ASCC1: variants seen among roughly 807,000 people sequenced by gnomAD.
ASCC1 encodes the protein ASC-1 complex subunit P50.
ASCC1 carries 35 observed loss-of-function variants against 46.6 expected under a neutral mutation model. That is an observed-to-expected ratio of 0.75 (90% CI 0.57 to 0.99). ASCC1 has a LOEUF of 0.99. ASCC1 is among the 50% of genes least tolerant of loss of function. ASCC1 has a pLI of 0.00. For synonymous variants in ASCC1, 143 were observed against 146.6 expected (o/e 0.98, Z 0.18); for missense variants, 376 against 428.7 (o/e 0.88, Z 1.09).
At chr10:72,198,684 A>G (rs1171351364) in intron 4 of ASCC1, 1 of 456,132 alleles carries the variant, frequency 2.2e-6, no homozygotes, top group Non-Finnish European at 4.4e-6. Context: ...GGAGACACAA[A>G]AGAAATGGGT....
At chr10:72,204,481 G>T (rs770137554) in intron 3 of ASCC1, 1 of 1,550,368 alleles carries the variant, frequency 6.5e-7, no homozygotes. Flanking sequence ...ACCCACAGTC[G>T]TTTGATGTGT....
chr10:72,167,349 A>T (rs953669359), intron 5 of ASCC1, among the ~76,000 whole-genome samples: 1 of 152,254 alleles, frequency 6.6e-6, no homozygotes, highest in African/African-American at 2.4e-5. Context: ...AAGAAGCCAG[A>T]TGCAAAAGAC....
intron 9 of ASCC1, among the ~76,000 whole-genome samples, chr10:72,119,498 C>G (rs993698582): frequency 6.6e-6 from 1 of 152,146 alleles, no homozygotes; most frequent in Non-Finnish European, 1.5e-5. Flanking sequence ...CATAGGGGCC[C>G]CTCTAACCAT....
intron 3 of ASCC1, 76 bp downstream of exon 3, chr10:72,210,656 G>C (rs1377527056): frequency 8.6e-7 from 1 of 1,169,502 alleles, no homozygotes; most frequent in Non-Finnish European, 1.3e-6. Flanking sequence ...CAATAAGTAT[G>C]GAAGACCAAA....
chr10:72,213,350 A>G lies in ASCC1; in HGVS notation c.-33-19T>C, dbSNP rs373951510. ...TTATGCCCTGAAAAATATAATTACCATCTTACCTTTCTTAGTGAGAATTAA... is the reference window on the plus strand; with the variant it reads ...TTATGCCCTGAAAAATATAATTACCGTCTTACCTTTCTTAGTGAGAATTAA... On this transcript the variant is annotated intron_variant, in intron 1 of 9. Coordinates refer to ENST00000672957, the MANE Select transcript of ASCC1 (RefSeq NM_001198800.3). 7.6e-6 allele frequency: 10 copies of G among 1,322,010 alleles called. No homozygotes were observed. The highest frequency in any genetic ancestry group is 1.5e-5 in the African/African-American group (1 of 68,868). The allele number at this position is 1,322,010 out of a possible 1,614,324, so 81.9% of individuals were successfully genotyped here. A position where few individuals can be genotyped will look rare whatever the true frequency, so the allele number is the denominator to read the frequency against.
At chr10:72,216,485 C>T (rs1859368699), upstream of ASCC1, among the ~76,000 whole-genome samples, 1 of 112,652 alleles carries the variant, frequency 8.9e-6, no homozygotes, top group Non-Finnish European at 1.8e-5. Context: ...TTCCCGCCCC[C>T]CCCCCCCCCC....
intron 9 of ASCC1, among the ~76,000 whole-genome samples, chr10:72,127,343 T>C (rs947318534): frequency 6.6e-6 from 1 of 152,202 alleles, no homozygotes; most frequent in South Asian, 2.1e-4. Flanking sequence ...GGTAGTCTGT[T>C]AGAGAAAGAC....
chr10:72,151,197 G>C (rs914682957), intron 7 of ASCC1, among the ~76,000 whole-genome samples: 2 of 152,234 alleles, frequency 1.3e-5, no homozygotes, highest in African/African-American at 4.8e-5. Context: ...GAACCAACCC[G>C]AATGTCCATC....
intron 9 of ASCC1, among the ~76,000 whole-genome samples, chr10:72,111,251 G>A (rs1842892523): frequency 6.6e-6 from 1 of 152,194 alleles, no homozygotes; most frequent in Non-Finnish European, 1.5e-5. Flanking sequence ...ACTTTGCGGG[G>A]CCAAGGTGGG....
chr10:72,097,622 G>A (rs763467016), intron 9 of ASCC1, among the ~76,000 whole-genome samples, 172 bp from the exon 10 acceptor site: 2 of 152,188 alleles, frequency 1.3e-5, no homozygotes, highest in African/African-American at 4.8e-5. Context: ...GGATGGGGGT[G>A]GGAGTGAGAA....
intron 8 of ASCC1, among the ~76,000 whole-genome samples, chr10:72,132,788 T>C (rs1475966045): frequency 6.6e-6 from 1 of 151,970 alleles, no homozygotes; most frequent in Non-Finnish European, 1.5e-5. Context: ...AAAAATTTAT[T>C]CACTGTTTAT....
chr10:72,187,719 C>CAAAAAAAA (rs761851091), intron 5 of ASCC1, among the ~76,000 whole-genome samples: 1 of 35,218 alleles, frequency 2.8e-5, no homozygotes, highest in African/African-American at 1.1e-4. Context: ...GAATCCGTCT[C>CAAAAAAAA]AAAAAAAAAA....
rs1460264964 is a variant in ASCC1, at chr10:72,140,405, T to C, written c.747-7224A>G. Among the ~76,000 whole-genome samples, 5 of 152,228 alleles carry C rather than the reference T, an allele frequency of 3.3e-5. No individual in the cohort carries two copies. In the East Asian group the frequency reaches 9.7e-4, roughly 29 times the overall value. On this transcript the variant is annotated intron_variant, in intron 7 of 9. Transcript: ENST00000672957. ...TGATGTCATACTGGAAGATCTTGAA[T>C]GCTAGACTGAGGATTATGAATTCAA...
At chr10:72,137,855 TTTC>T (rs1381097195) in intron 7 of ASCC1, among the ~76,000 whole-genome samples, 40 of 152,170 alleles carry the variant, frequency 2.6e-4, no homozygotes, top group African/African-American at 5.8e-4. Context: ...AACCATAATA[TTTC>T]TTCTTCTTCT....
At chr10:72,127,936 C>T in intron 9 of ASCC1, 146 bp downstream of exon 9, 1 of 694,712 alleles carries the variant, frequency 1.4e-6, no homozygotes, top group South Asian at 1.7e-5. Context: ...GCTACTTTTC[C>T]TCTCTTTCCC....
chr10:72,160,484 G>A (rs1238186760), intron 6 of ASCC1, among the ~76,000 whole-genome samples: 1 of 151,828 alleles, frequency 6.6e-6, no homozygotes, highest in African/African-American at 2.4e-5. Flanking sequence ...AAATTTTACA[G>A]TAAAAAAAGA....
At position 72,104,006 on chromosome 10, in the gene ASCC1, A is replaced by G. The variant is rs565069898; in HGVS notation, c.958-6556T>C. ...TAAAGCTTGTATTAAATAAATTTGT[A>G]TGTTTTTCTCTTATTAATCTGACTT... On this transcript the variant is annotated intron_variant, in intron 9 of 9. Transcript: ENST00000672957. 4.9e-4 allele frequency among the ~76,000 whole-genome samples: 74 copies of G among 152,298 alleles called. 2 individuals are homozygous for G. The highest frequency in any genetic ancestry group is 1.7e-3 in the African/African-American group (69 of 41,536).
At chr10:72,210,589 C>T (rs535351381) in intron 3 of ASCC1, 143 bp downstream of exon 3, 79 of 706,182 alleles carry the variant, frequency 1.1e-4, no homozygotes, top group African/African-American at 2.6e-4. Flanking sequence ...TGTAATCAGT[C>T]CTTTGACATT....
At chr10:72,203,875 C>T (rs1256053477) in intron 3 of ASCC1, among the ~76,000 whole-genome samples, 1 of 152,142 alleles carries the variant, frequency 6.6e-6, no homozygotes, top group Admixed American at 6.6e-5. Flanking sequence ...CCCTGCTACT[C>T]AAAAGACTGA....
Sources: allele counts gnomAD v4.1 joint callset (sites outside exome capture counted in the v4.1 genomes callset), GRCh38; gene constraint gnomAD v4.1.1; transcripts MANE v1.5; gene names NCBI Gene and HGNC (gene_info 2026-07-23, HGNC 2026-07-21).